Variants in SSH2 observed in about 807,000 individuals in gnomAD.
The protein encoded by SSH2 is slingshot protein phosphatase 2, also known as protein phosphatase Slingshot homolog 2.
A neutral mutation model predicts 135.2 loss-of-function variants in SSH2; 37 were observed. That is an observed-to-expected ratio of 0.27 (90% CI 0.21 to 0.36). The LOEUF is 0.36. SSH2 is among the 10% of genes least tolerant of loss of function. The probability of loss-of-function intolerance (pLI) is 1.00; values close to 1 mark genes in which losing one functional copy is unlikely to be tolerated. For missense variants in SSH2, 1,408 were observed against 1,765.3 expected (o/e 0.80, Z 3.63); for synonymous variants, 628 against 646.2 (o/e 0.97, Z 0.43).
chr17:29,881,534 C>T (rs1222726757), intron 1 of SSH2, among the ~76,000 whole-genome samples: 1 of 151,930 alleles, frequency 6.6e-6, no homozygotes, highest in Non-Finnish European at 1.5e-5. Context: ...CAGAGTCTTG[C>T]TCTGTCACTC....
At chr17:29,787,469 A>G (rs890932275) in intron 3 of SSH2, 1 of 152,118 alleles carries the variant, frequency 6.6e-6, no homozygotes, top group Non-Finnish European at 1.5e-5. Context: ...CCTGCTTTCA[A>G]TTCTTTTAGG....
In SSH2 at chr17:29,631,412, C is replaced by T. The variant is rs369884223; in HGVS notation, c.3782G>A (p.Arg1261His). The T allele has an allele frequency of 5.9e-5, 96 of 1,614,098 alleles. No individual in the cohort carries two copies. The highest frequency in any genetic ancestry group is 2.5e-4 in the South Asian group (23 of 91,078). ...CACTCGAGACTCGATTTCTTTAGCA[C>T]GCTCCTTCACCACACCGGGGCTGTG... ...LSHSPGVVKE[R>H]AKEIESRVVF... Residue 1261 changes from arginine (R) to histidine (H), a missense_variant, in exon 16 of 16, where the codon CGT becomes CAT. By Grantham distance (29) the Arg-to-His change is conservative. Around this residue, in one of 3 missense-constraint regions of SSH2, gnomAD observed 1,080 missense variants for 1,144.5 expected, o/e 0.94. Transcript: ENST00000540801.
intron 3 of SSH2, among the ~76,000 whole-genome samples, chr17:29,732,629 T>C (rs2040233231): frequency 6.6e-6 from 1 of 152,160 alleles, no homozygotes; most frequent in Non-Finnish European, 1.5e-5. Flanking sequence ...TTACTGTCTC[T>C]CTCTATATCA....
intron 3 of SSH2, among the ~76,000 whole-genome samples, chr17:29,744,860 A>T (rs887928015): frequency 4.3e-5 from 6 of 140,422 alleles, no homozygotes; most frequent in East Asian, 2.1e-4. Flanking sequence ...GGATTACTTG[A>T]GTGTGTGTGT....
At chr17:29,674,915 C>T (rs542627104) in intron 8 of SSH2, among the ~76,000 whole-genome samples, 5 of 152,258 alleles carry the variant, frequency 3.3e-5, no homozygotes, top group East Asian at 1.9e-4. Flanking sequence ...CTATGGGCCA[C>T]GGGTTGGACA....
chr17:29,819,467 G>A (rs148253473), intron 2 of SSH2, among the ~76,000 whole-genome samples: 105 of 152,014 alleles, frequency 6.9e-4, no homozygotes, highest in Middle Eastern at 3.4e-3. Context: ...TGAAAATATG[G>A]AATAAGATGG....
At chr17:29,729,363 G>T (rs1192298169) in intron 3 of SSH2, among the ~76,000 whole-genome samples, 1 of 152,156 alleles carries the variant, frequency 6.6e-6, no homozygotes. Context: ...CAGTTAAAAC[G>T]GCTTTAATCC....
rs553707184 is a variant in SSH2, at chr17:29,755,189, C to T, written c.188+38705G>A. 5.9e-5 allele frequency among the ~76,000 whole-genome samples: 9 copies of T among 152,268 alleles called. No individual in the cohort carries two copies. In the South Asian group the frequency reaches 1.7e-3, roughly 28 times the overall value. ...CAGCTTTTTGTTTTACTAAAATGCA[C>T]GTACAGACTCTTAAAGGGTATGAAC... On this transcript the variant is annotated intron_variant, in intron 3 of 15. Transcript: ENST00000540801.
intron 3 of SSH2, among the ~76,000 whole-genome samples, chr17:29,779,520 T>G (rs1433513805): frequency 2.6e-5 from 4 of 152,012 alleles, no homozygotes; most frequent in Non-Finnish European, 5.9e-5. Context: ...AGGTGCACAG[T>G]CAGGGTGCAG....
rs543629630 is a variant in SSH2, at chr17:29,721,082, G to A, written c.189-18020C>T. Among the ~76,000 whole-genome samples the A allele has an allele frequency of 2.4e-4, 37 of 152,252 alleles. No individual in the cohort carries two copies. The South Asian group carries it at 7.2e-3, about 30-fold the overall frequency. Reference sequence around the variant, plus strand: ...CATTTTAAAGTAAATTTATGAAGACGCAATGATCCACAGCTCTTGGGGAGC... The same window carrying A: ...CATTTTAAAGTAAATTTATGAAGACACAATGATCCACAGCTCTTGGGGAGC... On this transcript the variant is annotated intron_variant, in intron 3 of 15. Coordinates refer to ENST00000540801, the MANE Select transcript of SSH2 (RefSeq NM_001282129.2).
chr17:29,861,690 A>G (rs962679992), intron 1 of SSH2, among the ~76,000 whole-genome samples: 2 of 151,962 alleles, frequency 1.3e-5, no homozygotes, highest in African/African-American at 4.8e-5. Context: ...TAGCCTCCCA[A>G]GTAGCTGGGA....
chr17:29,645,520 A>G (rs1489088051), intron 14 of SSH2: 1 of 152,204 alleles, frequency 6.6e-6, no homozygotes, highest in Non-Finnish European at 1.5e-5. Context: ...CAGCTTGCAG[A>G]AGCCTGGGAT....
intron 2 of SSH2, among the ~76,000 whole-genome samples, chr17:29,827,591 C>A (rs1299424868): frequency 6.6e-6 from 1 of 152,112 alleles, no homozygotes; most frequent in African/African-American, 2.4e-5. Flanking sequence ...TTGGTTTTCT[C>A]ACTTTGTCAT....
At chr17:29,913,347 A>AAAAAAAATTAT in intron 1 of SSH2, among the ~76,000 whole-genome samples, 4 of 28,786 alleles carry the variant, frequency 1.4e-4, no homozygotes, top group Non-Finnish European at 2.4e-4. Flanking sequence ...AAAAAAAAAA[A>AAAAAAAATTAT]ATATATATAT....
chr17:29,913,347 A>AAATTATATAT lies in SSH2; in HGVS notation c.63+16590_63+16591insATATATAATT. Among the ~76,000 whole-genome samples, 3 of 28,784 alleles carry AAATTATATAT rather than the reference A, an allele frequency of 1.0e-4. 1 individual carries two copies. The East Asian group carries it at 6.7e-3, about 64-fold the overall frequency. 18.9% of individuals were successfully genotyped at this position (28,784 alleles called of 152,430 possible). A position where few individuals can be genotyped will look rare whatever the true frequency, so the allele number is the denominator to read the frequency against. On this transcript the variant is annotated intron_variant, in intron 1 of 15. Coordinates refer to ENST00000540801, the MANE Select transcript of SSH2 (RefSeq NM_001282129.2). The stretch of plus-strand genomic sequence containing the variant: ...AAAAAAAAAAAAAAAAAAAAAAAAA[A>AAATTATATAT]ATATATATATATATATATATATATA...
intron 3 of SSH2, among the ~76,000 whole-genome samples, chr17:29,718,112 A>C (rs1006630676): frequency 1.3e-5 from 2 of 152,212 alleles, no homozygotes; most frequent in African/African-American, 4.8e-5. Context: ...GTAAAATCCA[A>C]TGAACATTTT....
chr17:29,650,339 A>G (rs1405885289), intron 13 of SSH2, among the ~76,000 whole-genome samples: 1 of 152,192 alleles, frequency 6.6e-6, no homozygotes. Context: ...AAAACTCCCC[A>G]CTGGCAACTT....
At chr17:29,794,666 C>T (rs2042127362) in intron 2 of SSH2, among the ~76,000 whole-genome samples, 1 of 152,018 alleles carries the variant, frequency 6.6e-6, no homozygotes, top group South Asian at 2.1e-4. Flanking sequence ...TAGTGTGGCA[C>T]ATAAAATAAT....
rs78250533 is a variant in SSH2, at chr17:29,842,471, A to G, written c.144+6378T>C. Among the ~76,000 whole-genome samples, 21 of 107,030 alleles carry G rather than the reference A, an allele frequency of 2.0e-4. 2 individuals are homozygous for G. The highest frequency in any genetic ancestry group is 4.3e-4 in the Admixed American group (4 of 9,296). The allele number at this position is 107,030 out of a possible 152,430, so 70.2% of individuals were successfully genotyped here. On this transcript the variant is annotated intron_variant, in intron 2 of 15. Coordinates refer to ENST00000540801, the MANE Select transcript of SSH2 (RefSeq NM_001282129.2). ...TCAGTGTCAAAAAAAAAAAAAAAAA[A>G]GATCATCAGGTGATTCTAATGGGCA... is the stretch of plus-strand genomic sequence containing the variant.
Sources: allele counts gnomAD v4.1 joint callset (sites outside exome capture counted in the v4.1 genomes callset), GRCh38; gene constraint gnomAD v4.1.1; regional missense constraint gnomAD v4.1.1; transcripts MANE v1.5; gene names NCBI Gene and HGNC (gene_info 2026-07-23, HGNC 2026-07-21).